Variants in EPHA3 observed in about 807,000 individuals in gnomAD.
EPHA3 encodes ephrin type-A receptor 3.
EPHA3 carries 42 observed loss-of-function variants against 107.1 expected under a neutral mutation model. That is an observed-to-expected ratio of 0.39 (90% confidence interval 0.31 to 0.51). The LOEUF (loss-of-function observed/expected upper bound fraction) is 0.51, where lower values mean the gene tolerates loss of function less well. EPHA3 is among the 20% of genes least tolerant of loss of function. The pLI is 0.78. For synonymous variants in EPHA3, 461 were observed against 424.8 expected (o/e 1.09, Z -1.05); for missense variants, 1,183 against 1,211.2 (o/e 0.98, Z 0.35).
intron 10 of EPHA3, among the ~76,000 whole-genome samples, chr3:89,414,926 T>C (rs1400069796): frequency 9.9e-5 from 15 of 151,634 alleles, no homozygotes; most frequent in African/African-American, 2.4e-5. Flanking sequence ...CAAGTATATA[T>C]GTTAATGATT....
chr3:89,207,336 A>G (rs1706128170), intron 2 of EPHA3, among the ~76,000 whole-genome samples: 1 of 152,074 alleles, frequency 6.6e-6, no homozygotes, highest in Non-Finnish European at 1.5e-5. Flanking sequence ...GCTGAAGGAG[A>G]AAAGGAGGGA....
intron 3 of EPHA3, among the ~76,000 whole-genome samples, chr3:89,337,066 G>GAAAAAAAAAAAAAAAAAAAAAAA (rs531242644): frequency 1.0e-5 from 1 of 98,982 alleles, no homozygotes. Context: ...CTCAAAAAAA[G>GAAAAAAAAAAAAAAAAAAAAAAA]AAAAAAAAAA....
intron 5 of EPHA3, among the ~76,000 whole-genome samples, chr3:89,355,989 C>T (rs942554562): frequency 8.8e-6 from 1 of 113,086 alleles, no homozygotes; most frequent in Non-Finnish European, 1.8e-5. Flanking sequence ...CCCCCTCCCC[C>T]CACCCCACAA....
intron 2 of EPHA3, among the ~76,000 whole-genome samples, chr3:89,164,082 C>G (rs1705006683): frequency 1.3e-5 from 2 of 152,206 alleles, no homozygotes; most frequent in South Asian, 2.1e-4. Context: ...ATTCTTCAGA[C>G]AGAGGTAGCG....
intron 16 of EPHA3, among the ~76,000 whole-genome samples, chr3:89,477,058 C>A (rs1185440750): frequency 6.6e-6 from 1 of 151,866 alleles, no homozygotes; most frequent in African/African-American, 2.4e-5. Context: ...GCTCTAGACT[C>A]AAAAACTGAC....
chr3:89,395,859 TAAGA>T lies in EPHA3; in HGVS notation c.1334_1337del (p.Lys445IlefsTer42). On this transcript the variant is annotated frameshift_variant, in exon 6 of 17. Transcript: ENST00000336596. LOFTEE classifies it high-confidence loss of function. ...CAGCTCCATCACCTGTCCTGACGAT[TAAGA>T]AAGATCGGACCTCCAGAAATAGCAT... is the stretch of plus-strand genomic sequence containing the variant. 2 of 1,614,080 alleles carry T rather than the reference TAAGA, an allele frequency of 1.2e-6. No individual in the cohort carries two copies. Among genetic ancestry groups the T allele is most frequent in the Non-Finnish European group, 1.7e-6 (2 of 1,179,958 alleles).
rs142364264 is a variant in EPHA3 at position 89,259,317 on chromosome 3, A to G, written c.814+48797A>G. ...AACCCTGACCACCTCCTATCACATC[A>G]CAGTCTTTTTAGCCATTATGTCCAT... On this transcript the variant is annotated intron_variant, in intron 3 of 16. Transcript: ENST00000336596. Among the ~76,000 whole-genome samples, 22 of 152,030 alleles carry G rather than the reference A, an allele frequency of 1.4e-4. No individual in the cohort carries two copies. In the East Asian group the frequency reaches 4.3e-3, roughly 30 times the overall value.
At chr3:89,322,332 G>A (rs1190514264) in intron 3 of EPHA3, among the ~76,000 whole-genome samples, 2 of 152,186 alleles carry the variant, frequency 1.3e-5, no homozygotes, top group East Asian at 1.9e-4. Flanking sequence ...TGGACTAATA[G>A]CTCTAACCTT....
intron 3 of EPHA3, among the ~76,000 whole-genome samples, chr3:89,334,211 G>T (rs1353480261): frequency 6.6e-6 from 1 of 152,108 alleles, no homozygotes; most frequent in Non-Finnish European, 1.5e-5. Context: ...ATATCATTCA[G>T]TCCATTTGAC....
intron 3 of EPHA3, among the ~76,000 whole-genome samples, chr3:89,309,704 T>G (rs2107359109): frequency 6.6e-6 from 1 of 152,276 alleles, no homozygotes; most frequent in Admixed American, 6.5e-5. Flanking sequence ...GAAATATTTT[T>G]GGTTTCAGGC....
At chr3:89,387,173 G>T (rs1378111199) in intron 5 of EPHA3, among the ~76,000 whole-genome samples, 1 of 152,136 alleles carries the variant, frequency 6.6e-6, no homozygotes, top group Admixed American at 6.5e-5. Context: ...GGTGTCAGGG[G>T]TGGAATGACA....
At position 89,136,336 on chromosome 3, in the gene EPHA3, T is replaced by TTTTTTTTTTTTTTTTTA. The variant is rs1704312764; in HGVS notation, c.153+9079_153+9080insATTTTTTTTTTTTTTTT. On this transcript the variant is annotated intron_variant, in intron 2 of 16. Transcript: ENST00000336596. The stretch of plus-strand genomic sequence containing the variant: ...CATGGCAAAATCTTACAGGCTTTTT[T>TTTTTTTTTTTTTTTTTA]TTTTTTTTTTTTTTTTTTGACCCTT... Among the ~76,000 whole-genome samples the TTTTTTTTTTTTTTTTTA allele has an allele frequency of 1.5e-5, 2 of 134,272 alleles. 1 individual carries two copies. The highest frequency in any genetic ancestry group is 5.5e-5 in the African/African-American group (2 of 36,354). The allele number at this position is 134,272 out of a possible 152,430, so 88.1% of individuals were successfully genotyped here. A position where few individuals can be genotyped will look rare whatever the true frequency, so the allele number is the denominator to read the frequency against.
chr3:89,221,264 C>T (rs1422121980), intron 3 of EPHA3, among the ~76,000 whole-genome samples: 2 of 152,190 alleles, frequency 1.3e-5, no homozygotes, highest in Non-Finnish European at 2.9e-5. Context: ...GGACCAATCA[C>T]GGACATTTAC....
chr3:89,331,336 A>G lies in EPHA3; in HGVS notation c.815-9580A>G, dbSNP rs145832031. ...AAAGTACAAACAACAACAAAATTAT[A>G]TATACATTTTTATCCTGCCTTTTTC... On this transcript the variant is annotated intron_variant, in intron 3 of 16. Transcript: ENST00000336596. 2.0e-5 allele frequency among the ~76,000 whole-genome samples: 3 copies of G among 152,342 alleles called. No homozygotes were observed. The East Asian group carries it at 5.8e-4, about 29-fold the overall frequency.
chr3:89,354,235 A>C (rs1485455637), intron 5 of EPHA3, among the ~76,000 whole-genome samples: 1 of 151,294 alleles, frequency 6.6e-6, no homozygotes, highest in Admixed American at 6.6e-5. Context: ...AGTCCTTAGG[A>C]TATAATAGCA....
At chr3:89,230,286 G>C (rs543617920) in intron 3 of EPHA3, among the ~76,000 whole-genome samples, 1 of 152,190 alleles carries the variant, frequency 6.6e-6, no homozygotes, top group African/African-American at 2.4e-5. Flanking sequence ...TAGATAGGAG[G>C]AGTTTTTGCC....
At chr3:89,413,365 C>G in intron 10 of EPHA3, 99 bp downstream of exon 10, 5 of 1,466,800 alleles carry the variant, frequency 3.4e-6, no homozygotes, top group Non-Finnish European at 4.7e-6. Flanking sequence ...TGGGAATTTT[C>G]TGATTTCATG....
At chr3:89,227,329 GA>G (rs1704525598) in intron 3 of EPHA3, among the ~76,000 whole-genome samples, 1 of 151,878 alleles carries the variant, frequency 6.6e-6, no homozygotes, top group East Asian at 1.9e-4. Flanking sequence ...TACTCTCTTG[GA>G]GGTTCTGAAA....
intron 11 of EPHA3, 94 bp downstream of exon 11, chr3:89,419,484 CATA>C: frequency 9.1e-7 from 1 of 1,100,782 alleles, no homozygotes; most frequent in Non-Finnish European, 1.3e-6. Context: ...GGCTTTTTTT[CATA>C]AGTATCTCAG....
Sources: gnomAD v4.1 joint callset for allele counts (sites outside exome capture counted in the v4.1 genomes callset) on GRCh38, gnomAD v4.1.1 for gene constraint, MANE v1.5 for transcripts, NCBI Gene and HGNC (gene_info 2026-07-23, HGNC 2026-07-21) for gene names.